PAWR: variants seen among roughly 807,000 people sequenced by gnomAD.
PAWR encodes pro-apoptotic WT1 regulator.
Under a neutral mutation model 32.0 loss-of-function variants are expected in PAWR, and 23 were observed. The observed-to-expected ratio is 0.72, with a 90% CI of 0.52 to 1.02. The LOEUF (loss-of-function observed/expected upper bound fraction) is 1.02. PAWR is among the 50% of genes least tolerant of loss of function. The pLI is 0.00. For missense variants in PAWR, 457 were observed against 437.7 expected, an observed-to-expected ratio of 1.04 and a Z score of -0.39; for synonymous variants, 226 against 187.1, an observed-to-expected ratio of 1.21 and a Z score of -1.70.
intron 2 of PAWR, among the ~76,000 whole-genome samples, chr12:79,676,328 T>C (rs1053200228): frequency 1.3e-5 from 2 of 152,192 alleles, no homozygotes; most frequent in East Asian, 1.9e-4. Flanking sequence ...AAGAGCCAGC[T>C]TGTAGTATAA....
At chr12:79,651,163 T>C (rs1216550692) in intron 2 of PAWR, among the ~76,000 whole-genome samples, 1 of 152,170 alleles carries the variant, frequency 6.6e-6, no homozygotes, top group African/African-American at 2.4e-5. Context: ...ATCTAGGAAA[T>C]GCATAATCAC....
chr12:79,677,272 T>C (rs550070547), intron 2 of PAWR, among the ~76,000 whole-genome samples: 5 of 152,338 alleles, frequency 3.3e-5, no homozygotes, highest in Admixed American at 3.3e-4. Flanking sequence ...GTTGTAACAA[T>C]ATCTGTAGAA....
intron 2 of PAWR, among the ~76,000 whole-genome samples, chr12:79,687,400 C>T (rs929766021): frequency 1.3e-5 from 2 of 152,120 alleles, no homozygotes; most frequent in African/African-American, 4.8e-5. Flanking sequence ...TAAGTACTTC[C>T]TTGAAGGAAC....
intron 2 of PAWR, among the ~76,000 whole-genome samples, chr12:79,642,642 A>T (rs959487168): frequency 5.9e-5 from 9 of 152,124 alleles, no homozygotes; most frequent in African/African-American, 2.2e-4. Context: ...TACTGGCTTT[A>T]TAGTCTCACT....
At chr12:79,661,248 C>CAAA (rs397967995) in intron 2 of PAWR, among the ~76,000 whole-genome samples, 47 of 71,374 alleles carry the variant, frequency 6.6e-4, no homozygotes, top group South Asian at 5.5e-3. Context: ...GACTCTGTCT[C>CAAA]AAAAAAAAAA....
chr12:79,681,669 T>G (rs1158839665), intron 2 of PAWR, among the ~76,000 whole-genome samples: 1 of 152,162 alleles, frequency 6.6e-6, no homozygotes, highest in African/African-American at 2.4e-5. Flanking sequence ...TTTATTTCCA[T>G]GAGAGAACTA....
At position 79,585,379 on chromosome 12, in the gene PAWR, C is replaced by A. The variant is rs139844905; in HGVS notation, c.*7228G>T. 69 of 208,794 alleles carry A rather than the reference C, an allele frequency of 3.3e-4. No homozygotes were observed. Among genetic ancestry groups the A allele is most frequent in the African/African-American group, 1.5e-3 (63 of 42,480 alleles). The allele number at this position is 208,794 out of a possible 1,614,324, so 12.9% of individuals were successfully genotyped here. ...GGGGCCAAATAATTTGTATTTCTAA[C>A]AGGTTTCTAAGTGAAGTCAATGCTA... On this transcript the variant is annotated 3_prime_UTR_variant, in exon 7 of 7. Transcript: ENST00000328827.
chr12:79,615,762 C>T (rs931707927), intron 3 of PAWR, among the ~76,000 whole-genome samples: 3 of 151,998 alleles, frequency 2.0e-5, no homozygotes, highest in Non-Finnish European at 4.4e-5. Flanking sequence ...ATGATTCATA[C>T]AGAAGTTTTT....
intron 2 of PAWR, among the ~76,000 whole-genome samples, chr12:79,666,167 G>C (rs1877593206): frequency 6.6e-6 from 1 of 152,162 alleles, no homozygotes; most frequent in South Asian, 2.1e-4. Context: ...AAGTGGAGGC[G>C]GTTTCAATTA....
intron 2 of PAWR, among the ~76,000 whole-genome samples, chr12:79,648,318 A>G (rs536220617): frequency 6.6e-6 from 1 of 152,234 alleles, no homozygotes; most frequent in Admixed American, 6.5e-5. Context: ...TGGATTCCTA[A>G]TGTTCCTCTT....
At chr12:79,614,030 G>A (rs140743164) in intron 3 of PAWR, among the ~76,000 whole-genome samples, 1 of 59,080 alleles carries the variant, frequency 1.7e-5, no homozygotes, top group Non-Finnish European at 3.1e-5. Flanking sequence ...TTTTTTTTGA[G>A]AAGGAGTTTC....
intron 2 of PAWR, among the ~76,000 whole-genome samples, chr12:79,654,804 C>T (rs996762336): frequency 2.0e-5 from 3 of 152,064 alleles, no homozygotes; most frequent in African/African-American, 4.8e-5. Flanking sequence ...ACGAGAACAA[C>T]ACGGAGGAAA....
chr12:79,651,682 C>T (rs1185696696), intron 2 of PAWR, among the ~76,000 whole-genome samples: 1 of 130,124 alleles, frequency 7.7e-6, no homozygotes, highest in Non-Finnish European at 1.6e-5. Context: ...TCAAAGCCAT[C>T]CTGGGCTCAC....
rs946857006 is a variant in PAWR, at chr12:79,623,122, T to C, written c.517-1915A>G. On this transcript the variant is annotated intron_variant, in intron 2 of 6. Transcript: ENST00000328827. ...AAAGTGAAAAGACTAGTTAAGTGAC[T>C]AGTTAAATGACATAGGCAATTGTAT... is the stretch of plus-strand genomic sequence containing the variant. Among the ~76,000 whole-genome samples, 9 of 152,150 alleles carry C rather than the reference T, an allele frequency of 5.9e-5. 1 individual carries two copies. The highest frequency in any genetic ancestry group is 2.2e-4 in the African/African-American group (9 of 41,434).
intron 2 of PAWR, among the ~76,000 whole-genome samples, chr12:79,641,523 G>A (rs1032041363): frequency 1.8e-4 from 27 of 152,092 alleles, no homozygotes; most frequent in African/African-American, 6.5e-4. Context: ...CAATACAGCA[G>A]ATATTTTATA....
At chr12:79,681,076 C>T (rs1460393317) in intron 2 of PAWR, among the ~76,000 whole-genome samples, 2 of 134,886 alleles carry the variant, frequency 1.5e-5, no homozygotes, top group Non-Finnish European at 3.1e-5. Flanking sequence ...GATCGTGCCA[C>T]TGCACTGAGC....
chr12:79,588,840 A>G lies in PAWR; in HGVS notation c.*3767T>C, dbSNP rs1193591618. ...ATATGGACTCAGATTTTCTTAGGAGATATTAGTTCAAGTTTTTAAACTGGG... is the reference window on the plus strand; with the variant it reads ...ATATGGACTCAGATTTTCTTAGGAGGTATTAGTTCAAGTTTTTAAACTGGG... On this transcript the variant is annotated 3_prime_UTR_variant, in exon 7 of 7. Transcript: ENST00000328827. The G allele has an allele frequency of 1.3e-5, 2 of 151,978 alleles. No homozygotes were observed. The highest frequency in any genetic ancestry group is 2.4e-5 in the African/African-American group (1 of 41,420). The allele number at this position is 151,978 out of a possible 1,614,324, so 9.4% of individuals were successfully genotyped here. A position where few individuals can be genotyped will look rare whatever the true frequency, so the allele number is the denominator to read the frequency against.
intron 2 of PAWR, among the ~76,000 whole-genome samples, chr12:79,684,242 A>C (rs1878577822): frequency 6.6e-6 from 1 of 152,180 alleles, no homozygotes; most frequent in African/African-American, 2.4e-5. Context: ...ACATTATATC[A>C]ACCTTGCTAT....
At chr12:79,637,826 A>G (rs1440816570) in intron 2 of PAWR, among the ~76,000 whole-genome samples, 1 of 152,174 alleles carries the variant, frequency 6.6e-6, no homozygotes, top group Non-Finnish European at 1.5e-5. Context: ...AAGAAAAAAG[A>G]AAAATCATTC....
Sources: allele counts gnomAD v4.1 joint callset (sites outside exome capture counted in the v4.1 genomes callset), GRCh38; gene constraint gnomAD v4.1.1; transcripts MANE v1.5; gene names NCBI Gene and HGNC (gene_info 2026-07-23, HGNC 2026-07-21).